Variants in WDR27 observed in about 807,000 individuals in gnomAD.
WDR27 encodes WD repeat-containing protein 27.
Under a neutral mutation model 114.4 loss-of-function variants are expected in WDR27, and 100 were observed. That is an observed-to-expected ratio of 0.87 (90% CI 0.74 to 1.03). The LOEUF (loss-of-function observed/expected upper bound fraction) is 1.03, where lower values mean the gene tolerates loss of function less well. WDR27 is among the 50% of genes least tolerant of loss of function. The pLI, the probability that WDR27 is intolerant of heterozygous loss-of-function variation, is 0.00. For synonymous variants in WDR27, 449 were observed against 423.1 expected, an observed-to-expected ratio of 1.06 and a Z score of -0.75; for missense variants, 1,129 against 1,092.9, an observed-to-expected ratio of 1.03 and a Z score of -0.47.
chr6:169,459,409 T>C (rs971655567), intron 25 of WDR27, among the ~76,000 whole-genome samples: 1 of 151,630 alleles, frequency 6.6e-6, no homozygotes, highest in African/African-American at 2.4e-5. Flanking sequence ...AAAAAAGCAC[T>C]GAAAAAAGTG....
chr6:169,558,051 C>T (rs1294352531), intron 25 of WDR27, among the ~76,000 whole-genome samples: 2 of 152,074 alleles, frequency 1.3e-5, no homozygotes, highest in African/African-American at 2.4e-5. Flanking sequence ...TATTTCCCAA[C>T]ACTATCCACA....
intron 25 of WDR27, 121 bp downstream of exon 25, chr6:169,572,298 T>C (rs1362226162): frequency 6.6e-6 from 1 of 152,122 alleles, no homozygotes; most frequent in Non-Finnish European, 1.5e-5. Context: ...CCCAGCATTT[T>C]GGGAGGCCGA....
Position 169,702,020 on chromosome 6 carries a change from C to A in WDR27, c.-477G>T, listed in dbSNP as rs1018752236. 6.7e-6 allele frequency: 3 copies of A among 444,938 alleles called. No individual in the cohort carries two copies. Among genetic ancestry groups the A allele is most frequent in the Non-Finnish European group, 9.0e-6 (2 of 223,088 alleles). The allele number at this position is 444,938 out of a possible 1,614,324, so 27.6% of individuals were successfully genotyped here. On this transcript the variant is annotated 5_prime_UTR_variant, in exon 1 of 26. Coordinates refer to ENST00000448612, the MANE Select transcript of WDR27 (RefSeq NM_182552.5). ...TACTTGCCAGCCGACCCACGCGAGC[C>A]GCTATGGTTACTAGCCCGCCGCCCC...
chr6:169,485,499 C>T (rs1307588745), intron 25 of WDR27, among the ~76,000 whole-genome samples: 4 of 151,982 alleles, frequency 2.6e-5, no homozygotes, highest in Admixed American at 6.6e-5. Flanking sequence ...ATTAAGAAGT[C>T]GAAAAATAAC....
intron 21 of WDR27, among the ~76,000 whole-genome samples, chr6:169,631,484 C>G (rs545017275): frequency 1.3e-5 from 2 of 152,128 alleles, no homozygotes; most frequent in Non-Finnish European, 2.9e-5. Context: ...AGCCTTTAAA[C>G]CCTCCCTTCT....
intron 23 of WDR27, among the ~76,000 whole-genome samples, chr6:169,584,078 T>C (rs1804104433): frequency 9.1e-6 from 1 of 109,372 alleles, no homozygotes; most frequent in South Asian, 3.2e-4. Flanking sequence ...CGCCTATGTC[T>C]ACCCTGTTAA....
At chr6:169,685,264 C>T (rs78177327) in intron 2 of WDR27, among the ~76,000 whole-genome samples, 1 of 137,012 alleles carries the variant, frequency 7.3e-6, no homozygotes, top group Admixed American at 7.2e-5. Flanking sequence ...CCATGAAAAT[C>T]AAAGAAAAAA....
chr6:169,443,575 C>T, the WDR27 span, among the ~76,000 whole-genome samples: 4 of 152,190 alleles, frequency 2.6e-5, no homozygotes, highest in South Asian at 2.1e-4. Flanking sequence ...TGCCAGAGGT[C>T]GTGTCCATAG....
chr6:169,515,181 A>G (rs144682950), intron 25 of WDR27, among the ~76,000 whole-genome samples: 78 of 152,140 alleles, frequency 5.1e-4, no homozygotes, highest in African/African-American at 1.7e-3. Flanking sequence ...CATAGCTATG[A>G]CCCACCGAGT....
chr6:169,538,815 T>C (rs1796504277), intron 25 of WDR27, among the ~76,000 whole-genome samples: 1 of 152,194 alleles, frequency 6.6e-6, no homozygotes, highest in Non-Finnish European at 1.5e-5. Context: ...TTTTTGTTCT[T>C]CAGTACACAT....
intron 21 of WDR27, among the ~76,000 whole-genome samples, chr6:169,624,572 A>G (rs1408132751): frequency 6.6e-6 from 1 of 152,172 alleles, no homozygotes; most frequent in African/African-American, 2.4e-5. Context: ...TAAATCGAAA[A>G]CAGCCATCGA....
At chr6:169,480,866 AG>A (rs1424390488) in intron 25 of WDR27, among the ~76,000 whole-genome samples, 1 of 138,684 alleles carries the variant, frequency 7.2e-6, no homozygotes, top group African/African-American at 2.9e-5. Flanking sequence ...TCTAGCTAAA[AG>A]TTTGTAAACG....
At chr6:169,511,726 G>GCCAACA (rs1792918823) in intron 25 of WDR27, among the ~76,000 whole-genome samples, 1 of 151,880 alleles carries the variant, frequency 6.6e-6, no homozygotes, top group African/African-American at 2.4e-5. Flanking sequence ...TCTTGCTCTA[G>GCCAACA]ATAATATCTG....
chr6:169,607,424 ATAT>A (rs200872334), intron 22 of WDR27, among the ~76,000 whole-genome samples: 5,327 of 18,090 alleles, frequency 0.29, 245 homozygotes, highest in East Asian at 0.5. Context: ...ACACACACAC[ATAT>A]AATATAATAT....
chr6:169,513,226 T>G (rs1177635781), intron 25 of WDR27, among the ~76,000 whole-genome samples: 1 of 152,112 alleles, frequency 6.6e-6, no homozygotes, highest in Non-Finnish European at 1.5e-5. Flanking sequence ...CTCAGTGAGG[T>G]GGGCCCCTCA....
In WDR27 at chr6:169,636,562, G is replaced by T. The variant is rs1258130188; in HGVS notation, c.1870-58C>A. ...AATAAATGTTAACAAAAACACTATT[G>T]CTCTAAACATAAAATTATTTCTTCT... On this transcript the variant is annotated intron_variant, in intron 18 of 25. Transcript: ENST00000448612. 3.1e-5 allele frequency: 46 copies of T among 1,473,658 alleles called. 1 individual carries two copies. The Admixed American group carries it at 7.9e-4, about 25-fold the overall frequency. The allele number at this position is 1,473,658 out of a possible 1,614,324, so 91.3% of individuals were successfully genotyped here. A position where few individuals can be genotyped will look rare whatever the true frequency, so the allele number is the denominator to read the frequency against.
chr6:169,638,192 TG>T (rs1818152737), intron 18 of WDR27, among the ~76,000 whole-genome samples: 1 of 120,942 alleles, frequency 8.3e-6, no homozygotes, highest in Non-Finnish European at 1.7e-5. Flanking sequence ...GGCGGGCGCC[TG>T]TAGTCCCAGC....
chr6:169,573,549 C>T (rs9477992), intron 24 of WDR27, among the ~76,000 whole-genome samples: 68,668 of 151,910 alleles, frequency 0.45, 19,636 homozygotes, highest in Non-Finnish European at 0.65. Flanking sequence ...GATTTGGGAG[C>T]ACACGGGGGA....
intron 25 of WDR27, among the ~76,000 whole-genome samples, chr6:169,533,406 A>C (rs974120274): frequency 6.6e-6 from 1 of 152,150 alleles, no homozygotes; most frequent in Non-Finnish European, 1.5e-5. Flanking sequence ...ACTTTTTTGC[A>C]TGGAAATAAC....
Sources: gnomAD v4.1 joint callset for allele counts (sites outside exome capture counted in the v4.1 genomes callset) on GRCh38, gnomAD v4.1.1 for gene constraint, MANE v1.5 for transcripts, NCBI Gene and HGNC (gene_info 2026-07-23, HGNC 2026-07-21) for gene names.